Variants in RECK observed in about 807,000 individuals in gnomAD.
The protein encoded by RECK is reversion inducing cysteine rich protein with kazal motifs, also known as reversion-inducing cysteine-rich protein with Kazal motifs.
RECK carries 69 observed loss-of-function variants against 115.1 expected under a neutral mutation model. The ratio of observed to expected loss-of-function variants is 0.60; its 90% confidence interval spans 0.49 to 0.73. RECK has a LOEUF of 0.73. RECK is among the 30% of genes least tolerant of loss of function. RECK has a pLI of 0.00. For synonymous variants in RECK, 414 were observed against 419.7 expected (o/e 0.99, Z 0.17); for missense variants, 1,047 against 1,203.7 (o/e 0.87, Z 1.93).
chr9:36,076,404 T>TC lies in RECK; in HGVS notation c.406-4197dup, dbSNP rs377002737. 1.1e-3 allele frequency among the ~76,000 whole-genome samples: 174 copies of TC among 152,272 alleles called. 1 individual carries two copies. The highest frequency in any genetic ancestry group is 3.7e-3 in the African/African-American group (152 of 41,560). On this transcript the variant is annotated intron_variant, in intron 6 of 20. Transcript: ENST00000377966. ...CTTCCCAGGTGCACCCAAAGGGTCT[T>TC]CCCCACCAAAAGGAAAACCAGTGTG... is the stretch of plus-strand genomic sequence containing the variant.
chr9:36,062,152 A>C (rs1450650978), intron 4 of RECK, among the ~76,000 whole-genome samples: 2 of 146,230 alleles, frequency 1.4e-5, no homozygotes, highest in African/African-American at 5.1e-5. Context: ...TATTTCTTGC[A>C]TCTCCTACTT....
At position 36,118,831 on chromosome 9, in the gene RECK, G is replaced by C. The variant is rs147027096; in HGVS notation, c.2328G>C (p.Ser776=). 2 of 1,614,112 alleles carry C rather than the reference G, an allele frequency of 1.2e-6. No individual in the cohort carries two copies. Among genetic ancestry groups the C allele is most frequent in the Admixed American group, 1.7e-5 (1 of 60,010 alleles). ...ACAGCAGTGTGTGTGCTGCCTACTC[G>C]GATCGCGTGGCAGTCGATTACTATG... The part of the protein sequence containing the change: ...ETYSSVCAAY[S]DRVAVDYYGD... The change falls in exon 18 of 21, where the codon TCG becomes TCC. Residue 776 remains serine (S), a synonymous_variant. Coordinates refer to ENST00000377966, the MANE Select transcript of RECK (RefSeq NM_021111.3).
rs61673918 is a variant in RECK, at chr9:36,043,010, C to CTTTTTTTTTTT, written c.100+5932_100+5942dup. ...ACTGTCTATTCATGTCCTTAGCCCA[C>CTTTTTTTTTTT]TTTTTTTTTTTTTTTTTTTTTTTTT... On this transcript the variant is annotated intron_variant, in intron 1 of 20. Coordinates refer to ENST00000377966, the MANE Select transcript of RECK (RefSeq NM_021111.3). Among the ~76,000 whole-genome samples the CTTTTTTTTTTT allele has an allele frequency of 3.5e-4, 21 of 59,460 alleles. 6 individuals are homozygous for CTTTTTTTTTTT. The highest frequency in any genetic ancestry group is 1.3e-3 in the African/African-American group (19 of 14,480). The allele number at this position is 59,460 out of a possible 152,430, so 39.0% of individuals were successfully genotyped here.
chr9:36,051,598 G>A (rs76397393), intron 1 of RECK, among the ~76,000 whole-genome samples: 3,801 of 152,218 alleles, frequency 0.025, 165 homozygotes, highest in African/African-American at 0.087. Context: ...CACTCTCACG[G>A]TTAACCTGCC....
chr9:36,108,012 G>T lies in RECK; in HGVS notation c.1613G>T (p.Arg538Leu), dbSNP rs202116020. 1.2e-6 allele frequency: 2 copies of T among 1,613,280 alleles called. No homozygotes were observed. The highest frequency in any genetic ancestry group is 3.3e-5 in the Admixed American group (2 of 59,776). The change falls in exon 14 of 21, where the codon CGT becomes CTT. Residue 538 changes from arginine (R) to leucine (L), a missense_variant. Physicochemically the swap from Arg to Leu is moderately radical, Grantham distance 102. Transcript: ENST00000377966. The stretch of plus-strand genomic sequence containing the variant: ...GGAGAAGCTTCTGATTTCATTGTCC[G>T]TCAAGGGACACTAATCCAGGTGCCA... ...KLGEASDFIV[R>L]QGTLIQVPSS...
intron 1 of RECK, among the ~76,000 whole-genome samples, chr9:36,041,249 A>G (rs1820852346): frequency 6.6e-6 from 1 of 152,216 alleles, no homozygotes; most frequent in African/African-American, 2.4e-5. Flanking sequence ...ATATGGTTTC[A>G]TCAGGTATAT....
intron 1 of RECK, among the ~76,000 whole-genome samples, chr9:36,047,692 C>CT (rs1450783452): frequency 3.3e-5 from 5 of 151,312 alleles, no homozygotes; most frequent in African/African-American, 9.7e-5. Context: ...ATCAAGGCAC[C>CT]TTTTTTTTCT....
chr9:36,117,129 C>T lies in RECK; in HGVS notation c.2205C>T (p.Cys735=). The part of the protein sequence containing the change: ...DTDHMEHNNL[C]TLYQRGKSLS... The stretch of plus-strand genomic sequence containing the variant: ...ACCACATGGAGCACAACAATCTCTG[C>T]ACTTTATACCAAAGAGGAAAAAGCC... Residue 735 remains cysteine, a synonymous_variant, in exon 17 of 21, where the codon TGC becomes TGT. Coordinates refer to ENST00000377966, the MANE Select transcript of RECK (RefSeq NM_021111.3). 1 of 1,613,858 alleles carries T rather than the reference C, an allele frequency of 6.2e-7. No individual in the cohort carries two copies. The highest frequency in any genetic ancestry group is 8.5e-7 in the Non-Finnish European group (1 of 1,179,830).
intron 14 of RECK, among the ~76,000 whole-genome samples, chr9:36,108,479 G>A (rs1355122484): frequency 6.6e-6 from 1 of 152,108 alleles, no homozygotes; most frequent in East Asian, 1.9e-4. Context: ...AATAATACCT[G>A]TATTACCCTT....
chr9:36,048,142 T>TATATATATAC (rs1446403669), intron 1 of RECK, among the ~76,000 whole-genome samples: 1 of 134,044 alleles, frequency 7.5e-6, no homozygotes, highest in Non-Finnish European at 1.5e-5. Context: ...TATATATATA[T>TATATATATAC]ATATATATAT....
chr9:36,053,912 C>T (rs551200236), intron 2 of RECK, among the ~76,000 whole-genome samples: 57 of 152,316 alleles, frequency 3.7e-4, no homozygotes, highest in African/African-American at 1.3e-3. Flanking sequence ...ACTCCTATTA[C>T]TGGTTACACA....
At chr9:36,040,071 A>G (rs1820817894) in intron 1 of RECK, among the ~76,000 whole-genome samples, 1 of 152,236 alleles carries the variant, frequency 6.6e-6, no homozygotes, top group South Asian at 2.1e-4. Context: ...AAGAGATATT[A>G]TGAGGTTTGT....
chr9:36,043,074 G>A (rs890738851), intron 1 of RECK, among the ~76,000 whole-genome samples: 9 of 122,132 alleles, frequency 7.4e-5, no homozygotes, highest in African/African-American at 2.8e-4. Flanking sequence ...TGCCTAGGCT[G>A]GAGTGCATCT....
At chr9:36,053,010 T>C (rs886809139) in intron 2 of RECK, among the ~76,000 whole-genome samples, 1 of 152,124 alleles carries the variant, frequency 6.6e-6, no homozygotes, top group Non-Finnish European at 1.5e-5. Flanking sequence ...ATACTAGGAT[T>C]TAGGAATGAA....
intron 9 of RECK, among the ~76,000 whole-genome samples, chr9:36,090,499 CAT>C (rs1260595466): frequency 5.3e-5 from 8 of 152,046 alleles, no homozygotes; most frequent in African/African-American, 1.7e-4. Flanking sequence ...TTATTGTAAA[CAT>C]GTATTTTATA....
rs1824529592 is a variant in RECK, at chr9:36,123,268, T to C, written c.*223T>C. On this transcript the variant is annotated 3_prime_UTR_variant, in exon 21 of 21. Coordinates refer to ENST00000377966, the MANE Select transcript of RECK (RefSeq NM_021111.3). The stretch of plus-strand genomic sequence containing the variant: ...GTTCCAAATACTAATGAAAACAGAA[T>C]GTCTCTTCCTGGTAGACCACTGCCA... The C allele has an allele frequency of 2.0e-6, 1 of 491,914 alleles. No homozygotes were observed. The highest frequency in any genetic ancestry group is 3.6e-6 in the Non-Finnish European group (1 of 279,114). 30.5% of individuals were successfully genotyped at this position (491,914 alleles called of 1,614,324 possible). A position where few individuals can be genotyped will look rare whatever the true frequency, so the allele number is the denominator to read the frequency against.
intron 9 of RECK, among the ~76,000 whole-genome samples, chr9:36,088,408 A>C: frequency 6.6e-6 from 1 of 152,210 alleles, no homozygotes; most frequent in Non-Finnish European, 1.5e-5. Context: ...ATTGGCATTC[A>C]TCTTGGTGAT....
intron 6 of RECK, among the ~76,000 whole-genome samples, chr9:36,067,076 C>T (rs988275269): frequency 2.0e-5 from 3 of 151,988 alleles, no homozygotes; most frequent in Non-Finnish European, 4.4e-5. Context: ...TATTTAGAAA[C>T]GAAAATAGAG....
At chr9:36,070,927 C>A (rs1822204951) in intron 6 of RECK, among the ~76,000 whole-genome samples, 1 of 152,202 alleles carries the variant, frequency 6.6e-6, no homozygotes, top group Non-Finnish European at 1.5e-5. Flanking sequence ...GTTCTAGGTT[C>A]TCTGCCTTTT....
Sources: allele counts gnomAD v4.1 joint callset (sites outside exome capture counted in the v4.1 genomes callset), GRCh38; gene constraint gnomAD v4.1.1; transcripts MANE v1.5; gene names NCBI Gene and HGNC (gene_info 2026-07-23, HGNC 2026-07-21).